NEO1: variants seen among roughly 807,000 people sequenced by gnomAD.
NEO1 encodes the protein neogenin 1.
A neutral mutation model predicts 159.7 loss-of-function variants in NEO1; 63 were observed. The observed-to-expected ratio is 0.39, with a 90% CI of 0.32 to 0.49. The LOEUF (loss-of-function observed/expected upper bound fraction) is 0.49, where lower values mean the gene tolerates loss of function less well. Ranked by LOEUF, NEO1 falls within the 20% of genes least tolerant of loss-of-function variation. NEO1 has a pLI of 0.85. For missense variants in NEO1, 1,615 were observed against 1,831.0 expected, an observed-to-expected ratio of 0.88 and a Z score of 2.15; for synonymous variants, 633 against 662.0, an observed-to-expected ratio of 0.96 and a Z score of 0.67.
At chr15:73,075,211 T>C (rs1374019660) in intron 1 of NEO1, among the ~76,000 whole-genome samples, 2 of 152,142 alleles carry the variant, frequency 1.3e-5, no homozygotes, top group Non-Finnish European at 1.5e-5. Flanking sequence ...AAATAGAACG[T>C]CCAGCAGCCT....
chr15:73,079,089 G>T, intron 1 of NEO1, among the ~76,000 whole-genome samples: 1 of 152,082 alleles, frequency 6.6e-6, no homozygotes, highest in Non-Finnish European at 1.5e-5. Context: ...TTTTTTAATT[G>T]TTCAGAGTTG....
chr15:73,127,094 T>C (rs917031900), intron 4 of NEO1, among the ~76,000 whole-genome samples: 1 of 151,982 alleles, frequency 6.6e-6, no homozygotes, highest in Non-Finnish European at 1.5e-5. Context: ...AGCTGGGCGT[T>C]GTGGCATGTG....
At chr15:73,194,341 A>G (rs768003735) in intron 7 of NEO1, among the ~76,000 whole-genome samples, 4 of 152,194 alleles carry the variant, frequency 2.6e-5, no homozygotes, top group Non-Finnish European at 5.9e-5. Flanking sequence ...TTGCATTGCT[A>G]TAAAAGAATA....
In NEO1 at chr15:73,266,375, C is replaced by A; in HGVS notation, c.2458C>A (p.Pro820Thr). 5.6e-6 allele frequency: 9 copies of A among 1,613,652 alleles called. No homozygotes were observed. Among genetic ancestry groups the A allele is most frequent in the Non-Finnish European group, 7.6e-6 (9 of 1,179,792 alleles). The change falls in exon 16 of 29, where the codon CCC becomes ACC. Residue 820 changes from proline (P) to threonine (T), a missense_variant. This residue lies in a region of NEO1 where 1,018 missense variants were observed against 1,115.4 expected (regional missense o/e 0.91). Coordinates refer to ENST00000261908, the MANE Select transcript of NEO1 (RefSeq NM_002499.4). ...ATTTAATAACGTGGGTGAAGGCATCCCCCTGTATGAGAGTGCTGTGACCAG... is the reference window on the plus strand; with the variant it reads ...ATTTAATAACGTGGGTGAAGGCATCACCCTGTATGAGAGTGCTGTGACCAG... ...KAFNNVGEGI[P>T]LYESAVTRPH...
At chr15:73,174,284 A>G (rs897321512) in intron 5 of NEO1, among the ~76,000 whole-genome samples, 5 of 152,170 alleles carry the variant, frequency 3.3e-5, no homozygotes, top group African/African-American at 9.7e-5. Context: ...AGCTGCTGCC[A>G]AAGGACATAG....
At chr15:73,255,992 G>A (rs760476155) in intron 13 of NEO1, 4 of 152,186 alleles carry the variant, frequency 2.6e-5, no homozygotes, top group South Asian at 2.1e-4. Flanking sequence ...ACTCCAAAGC[G>A]TGTTGGTAGA....
chr15:73,230,306 A>G (rs896348785), intron 7 of NEO1, among the ~76,000 whole-genome samples: 3 of 152,056 alleles, frequency 2.0e-5, no homozygotes, highest in Admixed American at 2.0e-4. Flanking sequence ...CCCTTCCTCT[A>G]ATATGTCTGA....
At chr15:73,104,489 A>G (rs542523730) in intron 1 of NEO1, among the ~76,000 whole-genome samples, 45 of 152,192 alleles carry the variant, frequency 3.0e-4, no homozygotes, top group Non-Finnish European at 5.3e-4. Context: ...TAGGTGTTCT[A>G]TGGTATAATT....
At chr15:73,152,792 G>A (rs2033477194) in intron 5 of NEO1, among the ~76,000 whole-genome samples, 1 of 152,100 alleles carries the variant, frequency 6.6e-6, no homozygotes, top group Non-Finnish European at 1.5e-5. Flanking sequence ...TGCTAGGTGT[G>A]TGGGGGGGAA....
Position 73,236,415 on chromosome 15 carries a change from T to G in NEO1, c.1360T>G (p.Phe454Val). The change falls in exon 8 of 29, where the codon TTC (phenylalanine) becomes GTC (valine). Residue 454 changes from phenylalanine to valine, a missense_variant. Physicochemically the swap from Phe to Val is conservative, Grantham distance 50 (BLOSUM62 -1). Around this residue, in one of 3 missense-constraint regions of NEO1, gnomAD observed 1,018 missense variants for 1,115.4 expected, o/e 0.91. Coordinates refer to ENST00000261908, the MANE Select transcript of NEO1 (RefSeq NM_002499.4). ...DVVASLVSTR[F>V]IKLTWRTPAS... ...CGTGGCCTCCCTGGTCTCTACCCGC[T>G]TCATCAAATTGACGTGGCGGACACC... 1 of 1,614,078 alleles carries G rather than the reference T, an allele frequency of 6.2e-7. No homozygotes were observed. The highest frequency in any genetic ancestry group is 8.5e-7 in the Non-Finnish European group (1 of 1,179,996).
At chr15:73,103,688 C>T (rs987322548) in intron 1 of NEO1, among the ~76,000 whole-genome samples, 2 of 152,098 alleles carry the variant, frequency 1.3e-5, no homozygotes, top group African/African-American at 4.8e-5. Context: ...AGGTGCTTAG[C>T]ATGTGGCACC....
intron 7 of NEO1, among the ~76,000 whole-genome samples, chr15:73,203,569 G>A (rs897252910): frequency 8.6e-5 from 13 of 151,834 alleles, no homozygotes; most frequent in South Asian, 2.1e-4. Context: ...TTCTGCCTTC[G>A]TCAGTTTTGA....
intron 7 of NEO1, among the ~76,000 whole-genome samples, chr15:73,227,920 T>A (rs1185197953): frequency 6.6e-6 from 1 of 152,208 alleles, no homozygotes; most frequent in Non-Finnish European, 1.5e-5. Context: ...ATGTTTAGAC[T>A]TATTCTGGAG....
At chr15:73,255,941 C>T (rs1038190630) in intron 13 of NEO1, 3 of 152,150 alleles carry the variant, frequency 2.0e-5, no homozygotes, top group Non-Finnish European at 2.9e-5. Context: ...TGTTTAATCT[C>T]GGGACAAAAG....
Position 73,270,195 on chromosome 15 carries a change from C to G in NEO1, c.2680C>G (p.Arg894Gly). The change falls in exon 17 of 29, where the codon CGA becomes GGA. Residue 894 changes from arginine to glycine, a missense_variant. This residue lies in a region of NEO1 where 1,018 missense variants were observed against 1,115.4 expected (regional missense o/e 0.91). Transcript: ENST00000261908. Reference sequence around the variant, plus strand: ...TACAGACTCCCGATACTACACCGTCCGATGGAAAACCAACATCCCAGCAAA... The same window carrying G: ...TACAGACTCCCGATACTACACCGTCGGATGGAAAACCAACATCCCAGCAAA... ...KITDSRYYTV[R>G]WKTNIPANTK... 1.2e-6 allele frequency: 2 copies of G among 1,614,148 alleles called. No individual in the cohort carries two copies. The highest frequency in any genetic ancestry group is 1.7e-6 in the Non-Finnish European group (2 of 1,180,036).
At chr15:73,271,773 G>A (rs1293226002) in intron 18 of NEO1, among the ~76,000 whole-genome samples, 1 of 151,922 alleles carries the variant, frequency 6.6e-6, no homozygotes, top group African/African-American at 2.4e-5. Context: ...TGGATGTGGT[G>A]GTGCGCACCT....
At position 73,298,393 on chromosome 15, in the gene NEO1, C is replaced by T. The variant is rs1240753781; in HGVS notation, c.3947C>T (p.Ser1316Leu). 1.4e-5 allele frequency: 22 copies of T among 1,614,102 alleles called. No homozygotes were observed. The highest frequency in any genetic ancestry group is 6.7e-5 in the East Asian group (3 of 44,894). Residue 1316 changes from serine (S) to leucine (L), a missense_variant, in exon 27 of 29, where the codon TCG (serine) becomes TTG (leucine). This residue lies in a region of NEO1 where 471 missense variants were observed against 498.9 expected (regional missense o/e 0.94). Coordinates refer to ENST00000261908, the MANE Select transcript of NEO1 (RefSeq NM_002499.4). ...TPSTDTMPASSSQTCCTDHQD... is the reference protein window; with the variant it reads ...TPSTDTMPASLSQTCCTDHQD... ...AGCACTGACACCATGCCAGCCTCTTCGTCTCAAACATGCTGCACTGATCAC... is the reference window on the plus strand; with the variant it reads ...AGCACTGACACCATGCCAGCCTCTTTGTCTCAAACATGCTGCACTGATCAC...
At chr15:73,267,689 T>C (rs2040976124) in intron 16 of NEO1, among the ~76,000 whole-genome samples, 1 of 152,006 alleles carries the variant, frequency 6.6e-6, no homozygotes, top group South Asian at 2.1e-4. Flanking sequence ...GTTTCCAGCT[T>C]CATCCATGTC....
intron 7 of NEO1, among the ~76,000 whole-genome samples, chr15:73,203,279 T>C (rs1459955524): frequency 6.6e-6 from 1 of 152,116 alleles, no homozygotes; most frequent in Non-Finnish European, 1.5e-5. Context: ...TTACTTTCAT[T>C]TTTCGGGGTG....
Sources: gnomAD v4.1 joint callset for allele counts (sites outside exome capture counted in the v4.1 genomes callset) on GRCh38, gnomAD v4.1.1 for gene constraint, gnomAD v4.1.1 regional missense constraint, MANE v1.5 for transcripts, NCBI Gene and HGNC (gene_info 2026-07-23, HGNC 2026-07-21) for gene names.